Variants in TGM2 observed in about 807,000 individuals in gnomAD.
TGM2 encodes the protein protein-glutamine gamma-glutamyltransferase 2.
Under a neutral mutation model 75.6 loss-of-function variants are expected in TGM2, and 53 were observed. The ratio of observed to expected loss-of-function variants is 0.70; its 90% CI spans 0.56 to 0.88. The LOEUF is 0.88. Among genes scored for constraint, TGM2 ranks in the 40% least tolerant of loss-of-function variants. The probability of loss-of-function intolerance (pLI) is 0.00; values close to 1 mark genes in which losing one functional copy is unlikely to be tolerated. For missense variants in TGM2, 842 were observed against 928.5 expected, an observed-to-expected ratio of 0.91 and a Z score of 1.21; for synonymous variants, 374 against 381.1, an observed-to-expected ratio of 0.98 and a Z score of 0.22.
At chr20:38,149,522 A>G (rs2075088500) in intron 4 of TGM2, among the ~76,000 whole-genome samples, 1 of 151,960 alleles carries the variant, frequency 6.6e-6, no homozygotes, top group African/African-American at 2.4e-5. Flanking sequence ...CTAAAAAAAT[A>G]CAAAAAATTA....
At position 38,130,121 on chromosome 20, in the gene TGM2, G is replaced by A; in HGVS notation, c.*98C>T. 6.5e-7 allele frequency: 1 copy of A among 1,540,840 alleles called. No homozygotes were observed. The highest frequency in any genetic ancestry group is 1.2e-5 in the South Asian group (1 of 84,490). On this transcript the variant is annotated 3_prime_UTR_variant, in exon 13 of 13. Coordinates refer to ENST00000361475, the MANE Select transcript of TGM2 (RefSeq NM_004613.4). ...CCCATAGGCTGCCCACCCTGCCCTGGGGTCTGGGGCCCAAGAAGGGGCATA... is the reference window on the plus strand; with the variant it reads ...CCCATAGGCTGCCCACCCTGCCCTGAGGTCTGGGGCCCAAGAAGGGGCATA...
rs2072951 is a variant in TGM2, at chr20:38,139,662, A to G, written c.1100-8T>C. ...GGCCACAGCAGTACGTCCCTGGCAG[A>G]GGTAGAAAGGGGAAGGGATGGGCCT... is the stretch of plus-strand genomic sequence containing the variant. On this transcript the variant is annotated splice_region_variant and splice_polypyrimidine_tract_variant and intron_variant, in intron 8 of 12. Coordinates refer to ENST00000361475, the MANE Select transcript of TGM2 (RefSeq NM_004613.4). 44,718 of 1,613,932 alleles carry G rather than the reference A, an allele frequency of 0.028. 3,214 individuals are homozygous for G. The highest frequency in any genetic ancestry group is 0.26 in the African/African-American group (19,193 of 74,940).
chr20:38,132,645 A>C, intron 10 of TGM2, 145 bp from the exon 11 acceptor site: 1 of 1,137,964 alleles, frequency 8.8e-7, no homozygotes, highest in East Asian at 2.4e-5. Context: ...TGAACTCCCC[A>C]CTGTGGCTCC....
At chr20:38,143,326 T>C (rs184385049) in intron 6 of TGM2, among the ~76,000 whole-genome samples, 2 of 152,334 alleles carry the variant, frequency 1.3e-5, no homozygotes, top group Admixed American at 1.3e-4. Flanking sequence ...TGGTTCCATC[T>C]CTTTGTGCAT....
In TGM2 at chr20:38,161,490, C is replaced by A. The variant is rs563361176; in HGVS notation, c.120G>T (p.Trp40Cys). ...KLVVRRGQPF[W>C]LTLHFEGRNY... ...TGCGGCCCTCAAAGTGCAGGGTCAG[C>A]CAGAAGGGCTGGCCCCGTCGCACCA... The change falls in exon 2 of 13, where the codon TGG becomes TGT. Residue 40 changes from tryptophan to cysteine, a missense_variant. Transcript: ENST00000361475. 2.5e-6 allele frequency: 4 copies of A among 1,614,118 alleles called. No individual in the cohort carries two copies. In the Admixed American group the frequency reaches 6.7e-5, roughly 27 times the overall value.
chr20:38,133,572 T>G (rs141538653), intron 10 of TGM2: 45 of 152,406 alleles, frequency 3.0e-4, no homozygotes, highest in African/African-American at 1.1e-3. Context: ...TCATGTAGTT[T>G]AGCATTTAAG....
chr20:38,143,411 C>T (rs75015407), intron 6 of TGM2, among the ~76,000 whole-genome samples: 120 of 152,296 alleles, frequency 7.9e-4, no homozygotes, highest in African/African-American at 2.8e-3. Flanking sequence ...ATAAATAGGT[C>T]GCAGCACAGA....
chr20:38,141,699 C>T (rs375577119), intron 7 of TGM2, among the ~76,000 whole-genome samples: 194 of 152,060 alleles, frequency 1.3e-3, no homozygotes, highest in African/African-American at 4.5e-3. Flanking sequence ...CAGGGCTTAT[C>T]ACTCCCCACC....
At chr20:38,157,038 C>T (rs1389141160) in intron 2 of TGM2, among the ~76,000 whole-genome samples, 1 of 152,142 alleles carries the variant, frequency 6.6e-6, no homozygotes, top group Non-Finnish European at 1.5e-5. Context: ...ATGGGCAGGG[C>T]GAGGAGGGGC....
At chr20:38,163,029 G>A (rs1186311129) in intron 1 of TGM2, among the ~76,000 whole-genome samples, 1 of 152,208 alleles carries the variant, frequency 6.6e-6, no homozygotes, top group Non-Finnish European at 1.5e-5. Flanking sequence ...AGGGGCTGCT[G>A]TGAGTCTAGA....
chr20:38,150,837 T>G, intron 4 of TGM2, 102 bp downstream of exon 4: 1 of 898,594 alleles, frequency 1.1e-6, no homozygotes, highest in Non-Finnish European at 1.9e-6. Context: ...TGGGTGACTC[T>G]GTGACTCACT....
upstream of TGM2, among the ~76,000 whole-genome samples, chr20:38,168,268 C>T (rs560035439): frequency 1.3e-5 from 2 of 152,224 alleles, no homozygotes; most frequent in Non-Finnish European, 2.9e-5. Context: ...CAGGCTTGGC[C>T]CAGAGACCTG....
intron 10 of TGM2, chr20:38,133,341 C>A (rs2074859692): frequency 6.0e-6 from 1 of 165,290 alleles, no homozygotes. Context: ...ATGACCTCCC[C>A]TCTCTGTTTC....
At chr20:38,139,367 G>A (rs763522596) in intron 9 of TGM2, 45 bp downstream of exon 9, 3 of 1,613,450 alleles carry the variant, frequency 1.9e-6, no homozygotes, top group Admixed American at 1.7e-5. Flanking sequence ...GGGAAAACTG[G>A]ATGCTTATCT....
intron 1 of TGM2, among the ~76,000 whole-genome samples, chr20:38,164,856 A>T (rs1012451594): frequency 2.0e-5 from 3 of 152,176 alleles, no homozygotes; most frequent in African/African-American, 7.2e-5. Flanking sequence ...AGGCCAGGCC[A>T]GCACCCCCTG....
chr20:38,147,817 C>A, intron 5 of TGM2, 144 bp downstream of exon 5: 1 of 1,206,766 alleles, frequency 8.3e-7, no homozygotes, highest in South Asian at 1.4e-5. Flanking sequence ...CAAATCTTAT[C>A]TTTCCAATAT....
chr20:38,132,470 T>C lies in TGM2; in HGVS notation c.1646A>G (p.Glu549Gly), dbSNP rs148045565. The change falls in exon 11 of 13, where the codon GAG becomes GGG. Residue 549 changes from glutamate to glycine, a missense_variant. Glu to Gly is a moderately conservative substitution (Grantham distance 98). Transcript: ENST00000361475. ...CTCCGTAAGGCAGTCACGGTATTTC[T>C]CATAGAGGATGCAAAGAGGAACGCT... ...EKSVPLCILYEKYRDCLTESN... is the reference protein window; with the variant it reads ...EKSVPLCILYGKYRDCLTESN... The C allele has an allele frequency of 1.9e-6, 3 of 1,613,914 alleles. No individual in the cohort carries two copies. The highest frequency in any genetic ancestry group is 2.7e-5 in the African/African-American group (2 of 74,982).
At chr20:38,150,877 A>C in intron 4 of TGM2, 62 bp downstream of exon 4, 1 of 1,307,290 alleles carries the variant, frequency 7.6e-7, no homozygotes, top group Non-Finnish European at 1.1e-6. Context: ...CTGCCCCCAG[A>C]CACAGGGCCG....
chr20:38,137,839 T>C, intron 10 of TGM2: 3 of 611,614 alleles, frequency 4.9e-6, no homozygotes, highest in Non-Finnish European at 8.0e-6. Flanking sequence ...ACAGGTTAAC[T>C]CCCCAACTGT....
Sources: gnomAD v4.1 joint callset for allele counts (sites outside exome capture counted in the v4.1 genomes callset) on GRCh38, gnomAD v4.1.1 for gene constraint, MANE v1.5 for transcripts, NCBI Gene and HGNC (gene_info 2026-07-23, HGNC 2026-07-21) for gene names.